The following NUGGC variants were observed in gnomAD, a reference collection of about 807,000 sequenced individuals.
The protein encoded by NUGGC is nuclear GTPase, germinal center associated.
A neutral mutation model predicts 92.6 loss-of-function variants in NUGGC; 58 were observed. The observed-to-expected ratio is 0.63, with a 90% CI of 0.51 to 0.78. The LOEUF (loss-of-function observed/expected upper bound fraction) is 0.78, where lower values mean the gene tolerates loss of function less well. Ranked by LOEUF, NUGGC falls within the 30% of genes least tolerant of loss-of-function variation. NUGGC has a pLI of 0.00. For synonymous variants in NUGGC, 376 were observed against 366.4 expected (o/e 1.03, Z -0.30); for missense variants, 925 against 964.6 (o/e 0.96, Z 0.54).
At chr8:28,057,675 A>G (rs373629910) in intron 9 of NUGGC, among the ~76,000 whole-genome samples, 167 of 152,210 alleles carry the variant, frequency 1.1e-3, no homozygotes, top group African/African-American at 3.8e-3. Flanking sequence ...TCTCTAGCTT[A>G]CTTATTTTAA....
chr8:28,069,394 A>G (rs1468312722), intron 4 of NUGGC, 150 bp downstream of exon 4: 3 of 581,928 alleles, frequency 5.2e-6, no homozygotes, highest in East Asian at 2.8e-5. Context: ...AGCTCAATGA[A>G]TGGCAACTAT....
rs1449607753 is a variant in NUGGC, at chr8:28,068,443, A to G, written c.258-5T>C. 1.9e-6 allele frequency: 3 copies of G among 1,540,524 alleles called. No individual in the cohort carries two copies. In the Admixed American group the frequency reaches 5.8e-5, roughly 30 times the overall value. ...ATCAAGGCAAGAAGCCTATTTCTGG[A>G]TGAATTTTAAAATGCACATTGCCAT... On this transcript the variant is annotated splice_region_variant and splice_polypyrimidine_tract_variant and intron_variant, in intron 4 of 18. Transcript: ENST00000413272.
chr8:28,068,296 T>G lies in NUGGC; in HGVS notation c.400A>C (p.Ile134Leu). The change falls in exon 5 of 19, where the codon ATA becomes CTA. Residue 134 changes from isoleucine to leucine, a missense_variant. Physicochemically the swap from Ile to Leu is conservative, Grantham distance 5 (BLOSUM62 2). Transcript: ENST00000413272. ...AMFLPVSGES[I>L]CTSCIVQVSS... ...ACTTGTACAATGCAGGAAGTACATA[T>G]GCTTTCTCCAGACACTGGTAGAAAC... 6.4e-7 allele frequency: 1 copy of G among 1,552,518 alleles called. No homozygotes were observed. The highest frequency in any genetic ancestry group is 1.4e-5 in the African/African-American group (1 of 73,246).
At position 28,074,384 on chromosome 8, in the gene NUGGC, G is replaced by C. The variant is rs1810668147; in HGVS notation, c.27C>G (p.Gly9=). 1.2e-6 allele frequency: 2 copies of C among 1,612,904 alleles called. No individual in the cohort carries two copies. Among genetic ancestry groups the C allele is most frequent in the Non-Finnish European group, 1.7e-6 (2 of 1,179,058 alleles). ...AGATGTTACCTGGATGCGGTTCCTG[G>C]CCAAAAACATCCTTCGTTTCTGCCA... MAETKDVF[G]QEPHPVEDDL... is the part of the protein sequence containing the mutation. Residue 9 remains glycine, a synonymous_variant, in exon 2 of 19, where the codon GGC becomes GGG. Coordinates refer to ENST00000413272, the MANE Select transcript of NUGGC (RefSeq NM_001010906.2).
chr8:28,033,051 T>C (rs1001876160), intron 14 of NUGGC, among the ~76,000 whole-genome samples: 2 of 152,100 alleles, frequency 1.3e-5, no homozygotes, highest in Non-Finnish European at 2.9e-5. Flanking sequence ...TCTCAGCTAC[T>C]TGGGAGGCTG....
intron 13 of NUGGC, among the ~76,000 whole-genome samples, chr8:28,037,335 G>A (rs561117673): frequency 6.6e-6 from 1 of 152,278 alleles, no homozygotes; most frequent in Admixed American, 6.5e-5. Context: ...TCTGCCCTGT[G>A]TACTTGCACT....
chr8:28,038,370 T>G (rs1022157612), intron 13 of NUGGC, among the ~76,000 whole-genome samples: 9 of 152,236 alleles, frequency 5.9e-5, no homozygotes, highest in African/African-American at 1.9e-4. Flanking sequence ...ACAGTTGATT[T>G]GTTATACACT....
intron 10 of NUGGC, among the ~76,000 whole-genome samples, chr8:28,053,328 C>A (rs1342381936): frequency 6.6e-6 from 1 of 151,898 alleles, no homozygotes. Context: ...TGGTGCATAC[C>A]GGTATACCGG....
At chr8:28,038,585 G>T (rs1809614953) in intron 13 of NUGGC, among the ~76,000 whole-genome samples, 2 of 152,342 alleles carry the variant, frequency 1.3e-5, no homozygotes, top group Non-Finnish European at 1.5e-5. Context: ...GCCCATGTGG[G>T]ATACGAAGCC....
intron 13 of NUGGC, among the ~76,000 whole-genome samples, chr8:28,034,922 T>G (rs575957675): frequency 6.6e-6 from 1 of 152,354 alleles, no homozygotes; most frequent in South Asian, 2.1e-4. Context: ...ATTTCGGTTA[T>G]TTTCCTATGT....
At chr8:28,040,946 G>T in intron 13 of NUGGC, 105 bp downstream of exon 13, 2 of 1,184,734 alleles carry the variant, frequency 1.7e-6, no homozygotes, top group Non-Finnish European at 2.4e-6. Flanking sequence ...TGCCCGGCCC[G>T]CTAACTCTTT....
At chr8:28,055,351 T>A (rs1327965879) in intron 10 of NUGGC, among the ~76,000 whole-genome samples, 2 of 152,170 alleles carry the variant, frequency 1.3e-5, no homozygotes, top group Non-Finnish European at 2.9e-5. Context: ...TGACCTGGCA[T>A]CTTTCCTCCG....
At chr8:28,025,832 T>A (rs918319661) in intron 18 of NUGGC, among the ~76,000 whole-genome samples, 1 of 152,178 alleles carries the variant, frequency 6.6e-6, no homozygotes, top group Non-Finnish European at 1.5e-5. Flanking sequence ...ACTATGGATG[T>A]GGTATAAAAT....
chr8:28,056,603 AACTC>A (rs1316899112), intron 9 of NUGGC, among the ~76,000 whole-genome samples: 1 of 152,178 alleles, frequency 6.6e-6, no homozygotes, highest in East Asian at 1.9e-4. Flanking sequence ...AATCTGAAAA[AACTC>A]ACAGACAAAC....
chr8:28,069,145 T>C (rs528510471), intron 4 of NUGGC, among the ~76,000 whole-genome samples: 1 of 152,036 alleles, frequency 6.6e-6, no homozygotes, highest in South Asian at 2.1e-4. Context: ...ACCACTCGAG[T>C]CCTTCAAGTC....
chr8:28,043,284 A>G (rs937488131), intron 12 of NUGGC, among the ~76,000 whole-genome samples: 1 of 152,228 alleles, frequency 6.6e-6, no homozygotes, highest in African/African-American at 2.4e-5. Context: ...ATAAACGCAG[A>G]CTTCATTTGA....
intron 9 of NUGGC, among the ~76,000 whole-genome samples, chr8:28,057,330 C>CTTTT (rs57167648): frequency 5.8e-3 from 713 of 123,548 alleles, no homozygotes; most frequent in African/African-American, 6.7e-3. Context: ...ATTTTCTTTC[C>CTTTT]TTTTTTTTTT....
At position 28,068,388 on chromosome 8, in the gene NUGGC, A is replaced by G; in HGVS notation, c.308T>C (p.Ile103Thr). 1 of 1,583,580 alleles carries G rather than the reference A, an allele frequency of 6.3e-7. No homozygotes were observed. Among genetic ancestry groups the G allele is most frequent in the Non-Finnish European group, 8.6e-7 (1 of 1,164,094 alleles). Residue 103 changes from isoleucine to threonine, a missense_variant, in exon 5 of 19, where the codon ATT (isoleucine) becomes ACT (threonine). By Grantham distance (89) the Ile-to-Thr change is moderately conservative (BLOSUM62 -1). Transcript: ENST00000413272. The stretch of plus-strand genomic sequence containing the variant: ...AGCCCCAGTGCTTCCAAATAATGCA[A>G]TGTAGATTGGGTCCACTGTCGGCTT... Reference protein sequence around the residue: ...IEKPTVDPIYIALFGSTGAGK... With the variant: ...IEKPTVDPIYTALFGSTGAGK...
intron 18 of NUGGC, among the ~76,000 whole-genome samples, chr8:28,026,312 A>T (rs1277245630): frequency 6.6e-6 from 1 of 152,146 alleles, no homozygotes; most frequent in East Asian, 1.9e-4. Context: ...GTGCATTTTA[A>T]ATTTGGCTAG....
Sources: gnomAD v4.1 joint callset for allele counts (sites outside exome capture counted in the v4.1 genomes callset) on GRCh38, gnomAD v4.1.1 for gene constraint, MANE v1.5 for transcripts, NCBI Gene and HGNC (gene_info 2026-07-23, HGNC 2026-07-21) for gene names.